The following SUGCT variants were observed in gnomAD, a reference collection of about 807,000 sequenced individuals.
The protein encoded by SUGCT is succinyl-CoA:glutarate CoA-transferase.
SUGCT carries 41 observed loss-of-function variants against 55.0 expected under a neutral mutation model. The observed-to-expected ratio is 0.74, with a 90% CI of 0.58 to 0.97. The LOEUF (loss-of-function observed/expected upper bound fraction) is 0.97. Ranked by LOEUF, SUGCT falls within the 50% of genes least tolerant of loss-of-function variation. The probability of loss-of-function intolerance (pLI) is 0.00; values close to 1 mark genes in which losing one functional copy is unlikely to be tolerated. For synonymous variants in SUGCT, 187 were observed against 200.4 expected (o/e 0.93, Z 0.56); for missense variants, 568 against 547.8 (o/e 1.04, Z -0.37).
intron 12 of SUGCT, among the ~76,000 whole-genome samples, chr7:40,699,094 T>C (rs1785064235): frequency 6.6e-6 from 1 of 152,146 alleles, no homozygotes; most frequent in Non-Finnish European, 1.5e-5. Context: ...AGGCACAGAA[T>C]TCACCTGGTT....
intron 12 of SUGCT, among the ~76,000 whole-genome samples, chr7:40,643,197 A>G (rs1800344405): frequency 6.6e-6 from 1 of 152,204 alleles, no homozygotes; most frequent in Non-Finnish European, 1.5e-5. Context: ...ATATTGCAAG[A>G]TAAGAAGAAA....
chr7:40,993,486 G>A, the SUGCT span, among the ~76,000 whole-genome samples: 3 of 152,292 alleles, frequency 2.0e-5, no homozygotes, highest in East Asian at 5.8e-4. Context: ...TTCTCAGAGG[G>A]AAGATGGAAA....
At chr7:40,296,903 C>T (rs1376839853) in intron 8 of SUGCT, among the ~76,000 whole-genome samples, 1 of 152,012 alleles carries the variant, frequency 6.6e-6, no homozygotes, top group Non-Finnish European at 1.5e-5. Flanking sequence ...GATTTAAATC[C>T]TCAATATACT....
chr7:40,294,745 C>T (rs1430297289), intron 8 of SUGCT, among the ~76,000 whole-genome samples: 2 of 152,084 alleles, frequency 1.3e-5, no homozygotes, highest in Non-Finnish European at 1.5e-5. Flanking sequence ...TGGGGTTTCA[C>T]CATGTTGGTC....
chr7:40,558,689 T>C (rs1438933746), intron 12 of SUGCT, among the ~76,000 whole-genome samples: 4 of 152,222 alleles, frequency 2.6e-5, no homozygotes, highest in Admixed American at 6.5e-5. Flanking sequence ...CAGGACGTAG[T>C]GGTGATAACT....
intron 9 of SUGCT, among the ~76,000 whole-genome samples, chr7:40,332,593 A>G (rs1350701035): frequency 2.0e-5 from 3 of 152,124 alleles, no homozygotes; most frequent in African/African-American, 7.2e-5. Context: ...TAGGAATCAA[A>G]TCAGTAAGTT....
At chr7:40,412,034 C>T (rs1228871482) in intron 9 of SUGCT, among the ~76,000 whole-genome samples, 2 of 152,192 alleles carry the variant, frequency 1.3e-5, no homozygotes, top group Non-Finnish European at 2.9e-5. Flanking sequence ...TTTCCCACCC[C>T]TGTTTAAGCA....
the SUGCT span, among the ~76,000 whole-genome samples, chr7:40,918,908 A>T: frequency 6.6e-6 from 1 of 152,326 alleles, no homozygotes; most frequent in East Asian, 1.9e-4. Context: ...TGTCAGAAGG[A>T]TCTGGTATCT....
intron 13 of SUGCT, chr7:40,808,540 T>G (rs1172825813): frequency 6.6e-6 from 1 of 152,216 alleles, no homozygotes; most frequent in Non-Finnish European, 1.5e-5. Flanking sequence ...AAAGCCCAGT[T>G]GGTTTAAATT....
chr7:40,225,669 CAATT>C (rs1788297969), intron 6 of SUGCT, among the ~76,000 whole-genome samples: 1 of 152,006 alleles, frequency 6.6e-6, no homozygotes, highest in Non-Finnish European at 1.5e-5. Context: ...CTCCTGACCT[CAATT>C]AATCCGCCTG....
intron 13 of SUGCT, among the ~76,000 whole-genome samples, chr7:40,762,784 T>C (rs775096705): frequency 2.6e-4 from 39 of 152,078 alleles, no homozygotes; most frequent in Non-Finnish European, 5.0e-4. Flanking sequence ...AGTAATATCT[T>C]TGACGGTAAG....
rs553781260 is a variant in SUGCT at position 40,150,734 on chromosome 7, G to C, written c.100+15614G>C. Among the ~76,000 whole-genome samples the C allele has an allele frequency of 2.0e-5, 3 of 152,072 alleles. No individual in the cohort carries two copies. The South Asian group carries it at 6.2e-4, about 31-fold the overall frequency. ...CCCTGAATTCTGGGGAGACTGATTTGAGTAATAATAAAACTCCGGTCTTCC... is the reference window on the plus strand; with the variant it reads ...CCCTGAATTCTGGGGAGACTGATTTCAGTAATAATAAAACTCCGGTCTTCC... On this transcript the variant is annotated intron_variant, in intron 1 of 13. Coordinates refer to ENST00000335693, the MANE Select transcript of SUGCT (RefSeq NM_001193313.2).
At chr7:40,224,727 T>G (rs1192773646) in intron 6 of SUGCT, among the ~76,000 whole-genome samples, 1 of 152,180 alleles carries the variant, frequency 6.6e-6, no homozygotes, top group South Asian at 2.1e-4. Context: ...GAAAAGTGTT[T>G]ATTAAATTCC....
At chr7:41,013,245 A>T in the SUGCT span, among the ~76,000 whole-genome samples, 1 of 152,302 alleles carries the variant, frequency 6.6e-6, no homozygotes, top group East Asian at 1.9e-4. Context: ...GGTCATTTAC[A>T]TAGATCTGGA....
At chr7:40,867,812 C>T in the SUGCT span, among the ~76,000 whole-genome samples, 5 of 152,298 alleles carry the variant, frequency 3.3e-5, no homozygotes, top group African/African-American at 9.6e-5. Flanking sequence ...CTGTCTTAGT[C>T]CCCTGTGCTT....
chr7:41,034,191 T>C, the SUGCT span, among the ~76,000 whole-genome samples: 1 of 152,222 alleles, frequency 6.6e-6, no homozygotes, highest in Non-Finnish European at 1.5e-5. Context: ...AATTATGATA[T>C]GCTGGCATGG....
At chr7:40,525,738 G>A (rs1028498480) in intron 12 of SUGCT, among the ~76,000 whole-genome samples, 22 of 152,156 alleles carry the variant, frequency 1.4e-4, no homozygotes, top group African/African-American at 5.3e-4. Flanking sequence ...TCAAAAAGAA[G>A]TGCTTGATAC....
chr7:40,627,511 A>G (rs1005082562), intron 12 of SUGCT, among the ~76,000 whole-genome samples: 8 of 152,214 alleles, frequency 5.3e-5, no homozygotes, highest in African/African-American at 1.9e-4. Context: ...GGCTAAAATG[A>G]AGTTACAAAG....
chr7:40,707,452 A>C (rs1389911890), intron 12 of SUGCT, among the ~76,000 whole-genome samples: 1 of 152,182 alleles, frequency 6.6e-6, no homozygotes, highest in South Asian at 2.1e-4. Context: ...CAAGAGAGGA[A>C]AAGTGTGTGT....
Sources: allele counts gnomAD v4.1 joint callset (sites outside exome capture counted in the v4.1 genomes callset), GRCh38; gene constraint gnomAD v4.1.1; transcripts MANE v1.5; gene names NCBI Gene and HGNC (gene_info 2026-07-23, HGNC 2026-07-21).